FANCI: variants seen among roughly 807,000 people sequenced by gnomAD.
The protein encoded by FANCI is Fanconi anemia group I protein.
In FANCI, 156 loss-of-function variants were observed where a neutral mutation model predicts 176.1. The observed-to-expected ratio is 0.89, with a 90% CI of 0.78 to 1.01. The LOEUF (loss-of-function observed/expected upper bound fraction) is 1.01, where lower values mean the gene tolerates loss of function less well. Among genes scored for constraint, FANCI ranks in the 50% least tolerant of loss-of-function variants. FANCI has a pLI of 0.00. For missense variants in FANCI, 1,678 were observed against 1,534.1 expected, an observed-to-expected ratio of 1.09 and a Z score of -1.57; for synonymous variants, 613 against 541.7, an observed-to-expected ratio of 1.13 and a Z score of -1.83.
At chr15:89,256,118 T>A (rs1447553379) in intron 2 of FANCI, among the ~76,000 whole-genome samples, 1 of 152,196 alleles carries the variant, frequency 6.6e-6, no homozygotes, top group African/African-American at 2.4e-5. Flanking sequence ...CTGAACTATT[T>A]CAAAAAGAGT....
Position 89,292,766 on chromosome 15 carries a change from G to A in FANCI, c.2071G>A (p.Glu691Lys), listed in dbSNP as rs144419129. 193 of 1,613,682 alleles carry A rather than the reference G, an allele frequency of 1.2e-4. No homozygotes were observed. The highest frequency in any genetic ancestry group is 1.6e-4 in the Non-Finnish European group (188 of 1,179,848). Reference protein sequence around the residue: ...TVIPLQQGEEEEEEEEAFYED... With the variant: ...TVIPLQQGEEKEEEEEAFYED... The stretch of plus-strand genomic sequence containing the variant: ...CATACCCTTACAGCAGGGAGAGGAG[G>A]AAGAGGAGGAGGAAGAGGCATTCTA... The change falls in exon 21 of 38, where the codon GAA becomes AAA. Residue 691 changes from glutamate to lysine, a missense_variant. This residue lies in a region of FANCI where 1,204 missense variants were observed against 1,077.4 expected (regional missense o/e 1.12). Coordinates refer to ENST00000310775, the MANE Select transcript of FANCI (RefSeq NM_001113378.2).
chr15:89,287,716 T>G (rs1390413618), intron 18 of FANCI, among the ~76,000 whole-genome samples: 1 of 152,194 alleles, frequency 6.6e-6, no homozygotes, highest in African/African-American at 2.4e-5. Context: ...TATAGGTCAT[T>G]GTAGGGGTTA....
At chr15:89,251,141 CAG>C (rs1181354828) in intron 2 of FANCI, among the ~76,000 whole-genome samples, 5 of 152,056 alleles carry the variant, frequency 3.3e-5, no homozygotes, top group African/African-American at 9.7e-5. Flanking sequence ...ACTGTTAATA[CAG>C]AGAAAATCTC....
intron 3 of FANCI, 128 bp downstream of exon 3, chr15:89,258,904 T>C (rs982991330): frequency 6.6e-6 from 5 of 758,110 alleles, no homozygotes; most frequent in Admixed American, 2.0e-5. Context: ...TTCTACAGAA[T>C]CAACTACAGC....
chr15:89,263,657 A>T (rs1395494729), intron 7 of FANCI, among the ~76,000 whole-genome samples, 197 bp downstream of exon 7: 1 of 152,158 alleles, frequency 6.6e-6, no homozygotes, highest in Non-Finnish European at 1.5e-5. Flanking sequence ...TTAAAACATA[A>T]CTTTATTTTT....
At chr15:89,287,261 C>G (rs1349416346) in intron 18 of FANCI, among the ~76,000 whole-genome samples, 1 of 152,216 alleles carries the variant, frequency 6.6e-6, no homozygotes, top group Non-Finnish European at 1.5e-5. Flanking sequence ...GCGTGAGCCA[C>G]TGCGCCCAGC....
chr15:89,263,560 T>G (rs2052808380), intron 7 of FANCI, 100 bp downstream of exon 7: 3 of 1,023,672 alleles, frequency 2.9e-6, no homozygotes, highest in East Asian at 2.4e-5. Flanking sequence ...CTCTCCTGAT[T>G]GTAAGAATAT....
chr15:89,300,654 C>G (rs1307363987), intron 26 of FANCI, among the ~76,000 whole-genome samples: 1 of 152,222 alleles, frequency 6.6e-6, no homozygotes, highest in Non-Finnish European at 1.5e-5. Context: ...AAGGAGTCTT[C>G]AAGGCATAGA....
intron 26 of FANCI, 56 bp downstream of exon 26, chr15:89,300,441 T>C: frequency 6.7e-7 from 1 of 1,490,040 alleles, no homozygotes; most frequent in African/African-American, 1.4e-5. Flanking sequence ...AAAGGAACTG[T>C]TAGCAGGGGC....
intron 9 of FANCI, 90 bp downstream of exon 9, chr15:89,264,697 C>T (rs2052864229): frequency 9.4e-6 from 11 of 1,168,504 alleles, no homozygotes; most frequent in African/African-American, 1.5e-5. Flanking sequence ...TCTCTCTCAC[C>T]GCCTACCTTC....
At chr15:89,266,284 C>A (rs2052956936) in intron 9 of FANCI, among the ~76,000 whole-genome samples, 1 of 151,038 alleles carries the variant, frequency 6.6e-6, no homozygotes, top group South Asian at 2.1e-4. Context: ...GCCTCAGCCT[C>A]CCAAGTGGCT....
Position 89,306,559 on chromosome 15 carries a change from G to GCA in FANCI, c.3537+365_3537+366insCA, listed in dbSNP as rs774514635. ...ATACAAAAAGTAGCTGGGCGTGGTG[G>GCA]TGGGCACCTGTAATCCCAGCTACTC... On this transcript the variant is annotated intron_variant, in intron 32 of 37. Transcript: ENST00000310775. Among the ~76,000 whole-genome samples the GCA allele has an allele frequency of 2.6e-5, 4 of 152,030 alleles. No homozygotes were observed. In the East Asian group the frequency reaches 7.7e-4, roughly 29 times the overall value.
chr15:89,285,728 A>T (rs2053789802), intron 18 of FANCI, among the ~76,000 whole-genome samples: 1 of 133,754 alleles, frequency 7.5e-6, no homozygotes, highest in South Asian at 2.5e-4. Context: ...CTTAAGACTA[A>T]GTCCTTTTTT....
intron 3 of FANCI, chr15:89,259,113 CAA>C: frequency 3.1e-6 from 1 of 320,420 alleles, no homozygotes; most frequent in Non-Finnish European, 6.0e-6. Flanking sequence ...TAGCAAGGGG[CAA>C]GTAACCTCTG....
chr15:89,270,645 A>C (rs187841961), intron 10 of FANCI, among the ~76,000 whole-genome samples: 1 of 151,694 alleles, frequency 6.6e-6, no homozygotes, highest in Admixed American at 6.6e-5. Context: ...TCCTTTCCCT[A>C]TTGTTTTGAA....
At chr15:89,314,034 TA>T (rs1309130777) in intron 35 of FANCI, among the ~76,000 whole-genome samples, 9 of 145,176 alleles carry the variant, frequency 6.2e-5, no homozygotes, top group Non-Finnish European at 1.2e-4. Flanking sequence ...CAGTTCACGT[TA>T]GGGGGAAAGA....
chr15:89,277,587 G>T (rs909302105), intron 13 of FANCI, among the ~76,000 whole-genome samples: 2 of 146,806 alleles, frequency 1.4e-5, no homozygotes, highest in African/African-American at 5.1e-5. Flanking sequence ...ACTCCAGCCT[G>T]GGTAACAAAG....
At chr15:89,313,037 A>T in intron 35 of FANCI, 65 bp downstream of exon 35, 1 of 1,479,642 alleles carries the variant, frequency 6.8e-7, no homozygotes. Context: ...GAAGCGGAAG[A>T]AGCCAGTGAC....
chr15:89,259,911 A>G (rs1055195780), intron 3 of FANCI, among the ~76,000 whole-genome samples: 2 of 152,054 alleles, frequency 1.3e-5, no homozygotes, highest in Non-Finnish European at 2.9e-5. Flanking sequence ...AGTTGTATCT[A>G]TTTTCTGGCC....
Sources: allele counts gnomAD v4.1 joint callset (sites outside exome capture counted in the v4.1 genomes callset), GRCh38; gene constraint gnomAD v4.1.1; regional missense constraint gnomAD v4.1.1; transcripts MANE v1.5; gene names NCBI Gene and HGNC (gene_info 2026-07-23, HGNC 2026-07-21).